The following INPP5D variants were observed in gnomAD, a reference collection of about 807,000 sequenced individuals.
INPP5D encodes phosphatidylinositol 3,4,5-trisphosphate 5-phosphatase 1.
A neutral mutation model predicts 122.9 loss-of-function variants in INPP5D; 33 were observed. That is an observed-to-expected ratio of 0.27 (90% CI 0.20 to 0.36). INPP5D has a LOEUF of 0.36. INPP5D is among the 10% of genes least tolerant of loss of function. The probability of loss-of-function intolerance (pLI) is 1.00; values close to 1 mark genes in which losing one functional copy is unlikely to be tolerated. For missense variants in INPP5D, 1,053 were observed against 1,412.7 expected (o/e 0.75, Z 4.08); for synonymous variants, 584 against 576.2 (o/e 1.01, Z -0.19).
intron 2 of INPP5D, among the ~76,000 whole-genome samples, chr2:233,094,839 C>T (rs972427897): frequency 6.6e-6 from 1 of 152,112 alleles, no homozygotes; most frequent in Non-Finnish European, 1.5e-5. Context: ...GTGCAAATGC[C>T]GACAAATGCT....
chr2:233,108,997 G>C (rs1262965767), intron 2 of INPP5D, among the ~76,000 whole-genome samples: 2 of 152,254 alleles, frequency 1.3e-5, no homozygotes, highest in South Asian at 2.1e-4. Flanking sequence ...ATCAGTCTCT[G>C]TCTGATGCTC....
In INPP5D at chr2:233,206,920, C is replaced by A. The variant is rs1210526540; in HGVS notation, c.*212C>A. ...GCTGAGGCTGGAAGAAAAACGCACA[C>A]CAGACGGGCAACAAACAGTCTGGGT... On this transcript the variant is annotated 3_prime_UTR_variant, in exon 27 of 27. Coordinates refer to ENST00000445964, the MANE Select transcript of INPP5D (RefSeq NM_001017915.3). This position sits in a 1 kb window ranked among gnomAD's most constrained non-coding sequence, Gnocchi z 4.0. The A allele has an allele frequency of 3.6e-6, 2 of 551,286 alleles. No individual in the cohort carries two copies. The highest frequency in any genetic ancestry group is 3.2e-5 in the East Asian group (1 of 31,430). 34.1% of individuals were successfully genotyped at this position (551,286 alleles called of 1,614,324 possible). A position where few individuals can be genotyped will look rare whatever the true frequency, so the allele number is the denominator to read the frequency against.
intron 25 of INPP5D, among the ~76,000 whole-genome samples, chr2:233,202,277 A>G (rs776844000): frequency 6.6e-6 from 1 of 152,236 alleles, no homozygotes; most frequent in Non-Finnish European, 1.5e-5. Context: ...TCCCTTGGCT[A>G]ACTCACAGCA....
In INPP5D at chr2:233,197,336, A is replaced by G. The variant is rs1695210233; in HGVS notation, c.2694-759A>G. ...CCAACCTTGATCTCTGTGACCTCAC[A>G]CTCATTTTTCTAAATATGCACATGG... On this transcript the variant is annotated intron_variant, in intron 24 of 26. Transcript: ENST00000445964. This position sits in a 1 kb window ranked among gnomAD's most constrained non-coding sequence, Gnocchi z 4.4. 1.3e-5 allele frequency among the ~76,000 whole-genome samples: 2 copies of G among 151,968 alleles called. No homozygotes were observed. Among genetic ancestry groups the G allele is most frequent in the Admixed American group, 6.5e-5 (1 of 15,268 alleles).
intron 5 of INPP5D, among the ~76,000 whole-genome samples, chr2:233,134,997 A>T (rs1388628095): frequency 3.9e-5 from 6 of 152,142 alleles, no homozygotes; most frequent in Non-Finnish European, 7.3e-5. Context: ...AAAAATGGAC[A>T]GTCCTTGGAG....
Position 233,197,994 on chromosome 2 carries a change from C to T in INPP5D, c.2694-101C>T, listed in dbSNP as rs1559347285. On this transcript the variant is annotated intron_variant, in intron 24 of 26. Transcript: ENST00000445964. The surrounding 1 kb of genome is among the most constrained non-coding windows in gnomAD (Gnocchi z 4.4). Reference sequence around the variant, plus strand: ...AGAGGTGAAGGAGTTGAGGAGAGCTCGAGAGAGCCCTAGGGTTATCAGAGG... The same window carrying T: ...AGAGGTGAAGGAGTTGAGGAGAGCTTGAGAGAGCCCTAGGGTTATCAGAGG... 3.5e-6 allele frequency: 5 copies of T among 1,423,978 alleles called. No individual in the cohort carries two copies. Among genetic ancestry groups the T allele is most frequent in the South Asian group, 3.1e-5 (2 of 63,886 alleles). 88.2% of individuals were successfully genotyped at this position (1,423,978 alleles called of 1,614,324 possible). A position where few individuals can be genotyped will look rare whatever the true frequency, so the allele number is the denominator to read the frequency against.
intron 1 of INPP5D, among the ~76,000 whole-genome samples, chr2:233,077,159 G>T (rs1346305384): frequency 2.0e-5 from 3 of 152,156 alleles, no homozygotes; most frequent in South Asian, 2.1e-4. Flanking sequence ...TCAGAAAACG[G>T]TATACATAGT....
chr2:233,147,686 G>C (rs1032618108), intron 9 of INPP5D, 92 bp downstream of exon 9: 1 of 675,356 alleles, frequency 1.5e-6, no homozygotes, highest in African/African-American at 1.8e-5. Context: ...CTGCCCTGCA[G>C]GTCTGTCTTC....
At chr2:233,102,774 C>G (rs1042761006) in intron 2 of INPP5D, among the ~76,000 whole-genome samples, 1 of 149,146 alleles carries the variant, frequency 6.7e-6, no homozygotes, top group Admixed American at 6.7e-5. Context: ...GGCATGAACC[C>G]GGGAAGCGGA....
chr2:233,088,137 G>C (rs3922950), intron 2 of INPP5D, among the ~76,000 whole-genome samples: 76,059 of 151,888 alleles, frequency 0.5, 21,681 homozygotes, highest in East Asian at 0.78. Context: ...CACCACCCCC[G>C]ACTAATTTTT....
At chr2:233,090,932 T>G (rs1474366072) in intron 2 of INPP5D, among the ~76,000 whole-genome samples, 3 of 148,574 alleles carry the variant, frequency 2.0e-5, no homozygotes, top group African/African-American at 7.5e-5. Flanking sequence ...CACTCTGGCC[T>G]GGGTGACAAG....
chr2:233,110,073 A>T (rs1342403047), intron 2 of INPP5D, among the ~76,000 whole-genome samples: 25 of 139,770 alleles, frequency 1.8e-4, no homozygotes, highest in African/African-American at 6.0e-4. Flanking sequence ...TTTTTTTGAG[A>T]TAGAGTCTCA....
Position 233,207,068 on chromosome 2 carries a change from TG to T in INPP5D, c.*362del, listed in dbSNP as rs1695528920. The T allele has an allele frequency of 4.7e-6, 1 of 210,970 alleles. No individual in the cohort carries two copies. Among genetic ancestry groups the T allele is most frequent in the South Asian group, 7.3e-5 (1 of 13,770 alleles). 13.1% of individuals were successfully genotyped at this position (210,970 alleles called of 1,614,324 possible). A position where few individuals can be genotyped will look rare whatever the true frequency, so the allele number is the denominator to read the frequency against. On this transcript the variant is annotated 3_prime_UTR_variant, in exon 27 of 27. Coordinates refer to ENST00000445964, the MANE Select transcript of INPP5D (RefSeq NM_001017915.3). The surrounding 1 kb of genome is among the most constrained non-coding windows in gnomAD (Gnocchi z 4.6). The stretch of plus-strand genomic sequence containing the variant: ...ATAATAATAATATTAATAATAATAA[TG>T]GCCACATGGATCGAACACTCATGAT...
chr2:233,131,056 C>T lies in INPP5D; in HGVS notation c.665+408C>T, dbSNP rs111727354. 3,262 of 392,918 alleles carry T rather than the reference C, an allele frequency of 8.3e-3. 15 individuals are homozygous for T. Among genetic ancestry groups the T allele is most frequent in the Non-Finnish European group, 9.6e-3 (2,765 of 288,666 alleles). 24.3% of individuals were successfully genotyped at this position (392,918 alleles called of 1,614,324 possible). ...AAATAAATTAAAGTTAGTCTATTTTCTGCGTGGGTGGTTATGGCCCAAGAT... is the reference window on the plus strand; with the variant it reads ...AAATAAATTAAAGTTAGTCTATTTTTTGCGTGGGTGGTTATGGCCCAAGAT... On this transcript the variant is annotated intron_variant, in intron 5 of 26. Transcript: ENST00000445964.
intron 17 of INPP5D, among the ~76,000 whole-genome samples, chr2:233,176,449 G>A (rs1412760471): frequency 2.1e-4 from 15 of 72,124 alleles, no homozygotes; most frequent in South Asian, 5.2e-4. Context: ...GGATGGATGG[G>A]TGGATAGGTG....
At chr2:233,107,157 T>C (rs1692487901) in intron 2 of INPP5D, among the ~76,000 whole-genome samples, 1 of 152,068 alleles carries the variant, frequency 6.6e-6, no homozygotes. Context: ...TGACCTGGCA[T>C]GAGGGTTTCC....
At chr2:233,147,425 A>C (rs1200524435) in intron 8 of INPP5D, 46 bp from the exon 9 acceptor site, 2 of 700,482 alleles carry the variant, frequency 2.9e-6, no homozygotes, top group East Asian at 5.4e-5. Context: ...GCCTTGCAAA[A>C]GCCCAGGCAG....
chr2:233,080,674 G>A (rs1185253449), intron 2 of INPP5D, among the ~76,000 whole-genome samples: 1 of 152,182 alleles, frequency 6.6e-6, no homozygotes, highest in African/African-American at 2.4e-5. Flanking sequence ...AAAGCTTGAA[G>A]GGAATGATTC....
intron 17 of INPP5D, among the ~76,000 whole-genome samples, chr2:233,176,445 ATGGG>A (rs1253030197): frequency 1.4e-4 from 13 of 90,084 alleles, no homozygotes; most frequent in Admixed American, 3.5e-4. Context: ...GGATGGATGG[ATGGG>A]TGGATAGGTG....
Sources: allele counts gnomAD v4.1 joint callset (sites outside exome capture counted in the v4.1 genomes callset), GRCh38; gene constraint gnomAD v4.1.1; non-coding constraint Gnocchi (gnomAD v3.1); transcripts MANE v1.5; gene names NCBI Gene and HGNC (gene_info 2026-07-23, HGNC 2026-07-21).